The following NDUFA10 variants were observed in gnomAD, a reference collection of about 807,000 sequenced individuals.
NDUFA10 encodes NADH dehydrogenase [ubiquinone] 1 alpha subcomplex subunit 10, mitochondrial.
NDUFA10 carries 40 observed loss-of-function variants against 47.8 expected under a neutral mutation model. The observed-to-expected ratio is 0.84, with a 90% CI of 0.65 to 1.09. The LOEUF (loss-of-function observed/expected upper bound fraction) is 1.09. Among genes scored for constraint, NDUFA10 ranks in the 50% least tolerant of loss-of-function variants. NDUFA10 has a pLI of 0.00. For missense variants in NDUFA10, 413 were observed against 451.1 expected (o/e 0.92, Z 0.76); for synonymous variants, 183 against 172.2 (o/e 1.06, Z -0.49).
chr2:239,969,376 C>T (rs978083313), intron 9 of NDUFA10: 2 of 215,280 alleles, frequency 9.3e-6, no homozygotes, highest in Non-Finnish European at 1.9e-5. Flanking sequence ...TGAAAATGTG[C>T]TCTGCCGAGC....
At chr2:239,937,875 A>G (rs1190021603) in intron 4 of NDUFA10, among the ~76,000 whole-genome samples, 1 of 152,182 alleles carries the variant, frequency 6.6e-6, no homozygotes, top group Non-Finnish European at 1.5e-5. Context: ...CCCGACTTTA[A>G]TTGTAACAAA....
At chr2:239,989,047 A>C (rs1214929826) in intron 9 of NDUFA10, among the ~76,000 whole-genome samples, 1 of 152,076 alleles carries the variant, frequency 6.6e-6, no homozygotes, top group Non-Finnish European at 1.5e-5. Flanking sequence ...GCGCACTCAC[A>C]CAAGTATACA....
intron 8 of NDUFA10, 101 bp downstream of exon 8, chr2:240,005,109 T>C: frequency 2.8e-6 from 3 of 1,069,486 alleles, no homozygotes; most frequent in South Asian, 2.5e-5. Flanking sequence ...TTGGTGCTGC[T>C]AACACCTAAC....
intron 4 of NDUFA10, among the ~76,000 whole-genome samples, chr2:239,909,852 C>G (rs547157026): frequency 6.6e-6 from 1 of 151,868 alleles, no homozygotes; most frequent in East Asian, 1.9e-4. Context: ...GCAATCTACC[C>G]ATCCGACAAA....
At chr2:240,021,067 G>C in intron 3 of NDUFA10, 130 bp downstream of exon 3, 1 of 755,444 alleles carries the variant, frequency 1.3e-6, no homozygotes, top group South Asian at 1.5e-5. Flanking sequence ...TCATGATCTT[G>C]TTGGAAAGAC....
chr2:239,971,770 A>T (rs1695314307), intron 9 of NDUFA10, among the ~76,000 whole-genome samples: 3 of 152,252 alleles, frequency 2.0e-5, no homozygotes, highest in African/African-American at 7.2e-5. Context: ...TATTCGTTGA[A>T]TTAAATTGTA....
intron 4 of NDUFA10, chr2:240,017,792 C>T (rs1697424631): frequency 8.4e-6 from 13 of 1,540,006 alleles, no homozygotes; most frequent in African/African-American, 2.7e-5. Flanking sequence ...CAGAAGCAGG[C>T]GCCTCCTCCA....
At chr2:239,914,979 GACAC>G (rs757848825) in intron 4 of NDUFA10, among the ~76,000 whole-genome samples, 1 of 138,344 alleles carries the variant, frequency 7.2e-6, no homozygotes, top group South Asian at 2.3e-4. Context: ...CACACACACA[GACAC>G]ACACAAATAT....
At chr2:239,942,017 A>G (rs1383853821) in intron 4 of NDUFA10, among the ~76,000 whole-genome samples, 14 of 152,250 alleles carry the variant, frequency 9.2e-5, no homozygotes, top group Admixed American at 9.2e-4. Context: ...AATGAGAAAA[A>G]CAAATGGATT....
chr2:240,022,284 T>A lies in NDUFA10; in HGVS notation c.132A>T (p.Leu44=). The A allele has an allele frequency of 6.2e-7, 1 of 1,614,086 alleles. No individual in the cohort carries two copies. Residue 44 remains leucine, a synonymous_variant, in exon 2 of 10, where the codon CTA becomes CTT. Transcript: ENST00000252711. The stretch of plus-strand genomic sequence containing the variant: ...GTCTTTTGCTTGCTTTATCCCCAAG[T>A]AGGAAATGCCACATTCCATAGCGCA... ...CKLRYGMWHF[L]LGDKASKRLT... is the part of the protein sequence containing the mutation.
chr2:240,018,371 G>C, intron 4 of NDUFA10, 182 bp downstream of exon 4: 1 of 1,520,434 alleles, frequency 6.6e-7, no homozygotes, highest in Non-Finnish European at 8.9e-7. Context: ...ACCTATTTCA[G>C]GAGGGAGAAA....
intron 4 of NDUFA10, among the ~76,000 whole-genome samples, chr2:239,935,478 A>G (rs1034380360): frequency 2.6e-5 from 4 of 152,078 alleles, no homozygotes; most frequent in Non-Finnish European, 4.4e-5. Flanking sequence ...CCATTTCTGC[A>G]TTTGTCCCCA....
At chr2:240,007,400 G>C (rs982138231) in intron 6 of NDUFA10, 30 bp from the exon 7 acceptor site, 3 of 1,492,394 alleles carry the variant, frequency 2.0e-6, no homozygotes, top group Middle Eastern at 3.4e-4. Flanking sequence ...GAAATTCAGT[G>C]TAAACTTTTC....
At chr2:239,914,450 CACAA>C (rs750039131) in intron 4 of NDUFA10, among the ~76,000 whole-genome samples, 14 of 146,422 alleles carry the variant, frequency 9.6e-5, no homozygotes, top group African/African-American at 2.8e-4. Context: ...GAGATACACA[CACAA>C]ACATACACAC....
chr2:239,974,448 C>A (rs1695429931), intron 9 of NDUFA10, among the ~76,000 whole-genome samples: 1 of 152,252 alleles, frequency 6.6e-6, no homozygotes. Flanking sequence ...AAAGGTCTTT[C>A]TTTACTCGTC....
At chr2:239,997,572 C>T (rs746507141) in intron 8 of NDUFA10, among the ~76,000 whole-genome samples, 11 of 152,116 alleles carry the variant, frequency 7.2e-5, no homozygotes, top group Non-Finnish European at 1.3e-4. Flanking sequence ...CTGTAAAATG[C>T]GTTCATATAC....
chr2:239,899,047 GATGGAGGA>G (rs1693469080), intron 4 of NDUFA10, among the ~76,000 whole-genome samples: 1 of 55,234 alleles, frequency 1.8e-5, no homozygotes, highest in Non-Finnish European at 4.3e-5. Flanking sequence ...GGAGGGGTGT[GATGGAGGA>G]GTGTGATGGA....
intron 4 of NDUFA10, among the ~76,000 whole-genome samples, chr2:239,917,742 T>A (rs901257594): frequency 6.6e-6 from 1 of 152,226 alleles, no homozygotes; most frequent in Non-Finnish European, 1.5e-5. Context: ...AAAAGTCATG[T>A]GCTGTCTTTG....
intron 9 of NDUFA10, among the ~76,000 whole-genome samples, chr2:239,978,270 G>A (rs550649505): frequency 1.3e-5 from 2 of 152,122 alleles, no homozygotes; most frequent in Non-Finnish European, 2.9e-5. Flanking sequence ...AGCTATAGAA[G>A]ATGGAATCTC....
Sources: allele counts gnomAD v4.1 joint callset (sites outside exome capture counted in the v4.1 genomes callset), GRCh38; gene constraint gnomAD v4.1.1; transcripts MANE v1.5; gene names NCBI Gene and HGNC (gene_info 2026-07-23, HGNC 2026-07-21).